The following PHKA1 variants were observed in gnomAD, a reference collection of about 807,000 sequenced individuals.
The protein encoded by PHKA1 is phosphorylase b kinase regulatory subunit alpha, skeletal muscle isoform.
A neutral mutation model predicts 110.2 loss-of-function variants in PHKA1; 60 were observed. That is an observed-to-expected ratio of 0.54 (90% confidence interval 0.44 to 0.68). The LOEUF (loss-of-function observed/expected upper bound fraction) is 0.68, where lower values mean the gene tolerates loss of function less well. Ranked by LOEUF, PHKA1 falls within the 30% of genes least tolerant of loss-of-function variation. The pLI is 0.00. For missense variants in PHKA1, 801 were observed against 942.5 expected (o/e 0.85, Z 1.97); for synonymous variants, 316 against 333.6 (o/e 0.95, Z 0.58).
chrX:72,640,698 G>A (rs1879218985), intron 14 of PHKA1, among the ~76,000 whole-genome samples: 1 of 111,690 alleles, frequency 9.0e-6, no homozygotes, highest in African/African-American at 3.2e-5. Flanking sequence ...TGCAGTCAAT[G>A]CATACATACC....
chrX:72,613,107 G>A (rs2052836840), intron 21 of PHKA1, among the ~76,000 whole-genome samples: 3 of 111,359 alleles, frequency 2.7e-5, no homozygotes, highest in East Asian at 5.6e-4. Flanking sequence ...AGAACTGCCT[G>A]GCTGAACACA....
intron 14 of PHKA1, among the ~76,000 whole-genome samples, chrX:72,641,778 T>A (rs1389201590): frequency 1.8e-5 from 2 of 111,749 alleles, no homozygotes; most frequent in African/African-American, 6.5e-5. Context: ...GCAATTTTTT[T>A]ATTGTGAAAC....
At chrX:72,661,862 G>A (rs1774920426) in intron 8 of PHKA1, among the ~76,000 whole-genome samples, 1 of 110,829 alleles carries the variant, frequency 9.0e-6, no homozygotes, top group South Asian at 3.9e-4. Context: ...AATTCAAGTG[G>A]AGTGTCTGAG....
intron 14 of PHKA1, among the ~76,000 whole-genome samples, chrX:72,637,662 C>T (rs1222983146): frequency 8.9e-6 from 1 of 112,116 alleles, no homozygotes; most frequent in East Asian, 2.8e-4. Context: ...ATTTTACATT[C>T]CCATCCACAG....
chrX:72,691,090 T>G (rs2054032872), intron 4 of PHKA1, among the ~76,000 whole-genome samples: 1 of 112,907 alleles, frequency 8.9e-6, no homozygotes, highest in Admixed American at 9.3e-5. Context: ...TTATATATGG[T>G]GTGAGGAAGA....
chrX:72,658,204 A>T (rs2080409840), intron 8 of PHKA1, among the ~76,000 whole-genome samples: 1 of 111,737 alleles, frequency 8.9e-6, no homozygotes, highest in Admixed American at 9.5e-5. Context: ...TCATGCCTGT[A>T]ACCCCAGCAC....
chrX:72,700,237 T>C (rs1402910049), intron 3 of PHKA1, among the ~76,000 whole-genome samples: 1 of 112,595 alleles, frequency 8.9e-6, no homozygotes, highest in African/African-American at 3.2e-5. Flanking sequence ...TTTGAAGTCC[T>C]TGAATTATCA....
intron 21 of PHKA1, among the ~76,000 whole-genome samples, chrX:72,617,190 C>T (rs182779544): frequency 1.3e-3 from 144 of 110,093 alleles, no homozygotes; most frequent in African/African-American, 4.4e-3. Context: ...AAAAGCAATA[C>T]AAATGATTAA....
intron 21 of PHKA1, among the ~76,000 whole-genome samples, chrX:72,613,164 T>G (rs1184425121): frequency 6.3e-5 from 7 of 111,853 alleles, no homozygotes; most frequent in African/African-American, 2.3e-4. Context: ...TTTTAAATTT[T>G]TGTTATTTTA....
chrX:72,628,688 C>A (rs1310844287), intron 16 of PHKA1, among the ~76,000 whole-genome samples: 1 of 106,929 alleles, frequency 9.4e-6, no homozygotes, highest in Non-Finnish European at 1.9e-5. Context: ...CTCCCGGGTT[C>A]AAGTGATTCT....
chrX:72,588,850 C>A (rs981063258), intron 29 of PHKA1, among the ~76,000 whole-genome samples: 2 of 111,646 alleles, frequency 1.8e-5, no homozygotes, highest in African/African-American at 3.3e-5. Context: ...AATTCCTGGA[C>A]ACACACACCC....
intron 3 of PHKA1, among the ~76,000 whole-genome samples, chrX:72,696,412 T>C (rs782272954): frequency 3.6e-5 from 4 of 111,676 alleles, no homozygotes; most frequent in African/African-American, 1.3e-4. Context: ...AAGCTAAGAA[T>C]TGCTCAGGGA....
intron 25 of PHKA1, among the ~76,000 whole-genome samples, chrX:72,604,427 A>G (rs1445378752): frequency 8.9e-6 from 1 of 111,820 alleles, no homozygotes; most frequent in East Asian, 2.8e-4. Context: ...TGGTAGGTAT[A>G]AAACAATTGT....
Position 72,635,152 on chromosome X carries a change from T to G in PHKA1, c.1714+3A>C. On this transcript the variant is annotated splice_donor_region_variant and intron_variant, in intron 16 of 31. Coordinates refer to ENST00000373542, the MANE Select transcript of PHKA1 (RefSeq NM_002637.4). ...TTCGTTCCTTGCCTCATGCAGCCCT[T>G]ACCAAGCATGCTGTGTGAGATGGGG... The G allele has an allele frequency of 8.3e-7, 1 of 1,211,630 alleles. No individual in the cohort carries two copies. The highest frequency in any genetic ancestry group is 1.1e-6 in the Non-Finnish European group (1 of 895,398).
At chrX:72,592,164 T>C (rs2147658368) in intron 29 of PHKA1, among the ~76,000 whole-genome samples, 1 of 112,559 alleles carries the variant, frequency 8.9e-6, no homozygotes, top group South Asian at 3.7e-4. Context: ...ACTGAAGAGA[T>C]AAAATAATAT....
At chrX:72,699,507 C>CAAAAA (rs1171276586) in intron 3 of PHKA1, among the ~76,000 whole-genome samples, 8 of 16,917 alleles carry the variant, frequency 4.7e-4, no homozygotes, top group African/African-American at 1.2e-3. Context: ...GACTCCATCT[C>CAAAAA]AAAAAAAAAA....
chrX:72,646,324 C>T (rs2053359221), intron 13 of PHKA1, among the ~76,000 whole-genome samples: 1 of 111,331 alleles, frequency 9.0e-6, no homozygotes, highest in South Asian at 3.9e-4. Context: ...CCCAGGAGTA[C>T]CTTCAACCCA....
chrX:72,698,365 C>T (rs1245659216), intron 3 of PHKA1, among the ~76,000 whole-genome samples: 2 of 112,068 alleles, frequency 1.8e-5, no homozygotes, highest in Non-Finnish European at 3.8e-5. Flanking sequence ...TTGTCAAATG[C>T]TTTTTGAAGT....
chrX:72,671,545 C>T (rs1204656377), intron 6 of PHKA1, among the ~76,000 whole-genome samples: 2 of 111,837 alleles, frequency 1.8e-5, no homozygotes, highest in African/African-American at 6.5e-5. Context: ...CCATCCCCAT[C>T]AAGCTACCAA....
Sources: gnomAD v4.1 joint callset for allele counts (sites outside exome capture counted in the v4.1 genomes callset) on GRCh38, gnomAD v4.1.1 for gene constraint, MANE v1.5 for transcripts, NCBI Gene and HGNC (gene_info 2026-07-23, HGNC 2026-07-21) for gene names.